APBA2: variants seen among roughly 807,000 people sequenced by gnomAD.
The protein encoded by APBA2 is amyloid beta precursor protein binding family A member 2.
APBA2 carries 30 observed loss-of-function variants against 75.0 expected under a neutral mutation model. The ratio of observed to expected loss-of-function variants is 0.40; its 90% CI spans 0.30 to 0.54. The LOEUF is 0.54. Among genes scored for constraint, APBA2 ranks in the 20% least tolerant of loss-of-function variants. APBA2 has a pLI of 0.49. For synonymous variants in APBA2, 444 were observed against 409.6 expected, an observed-to-expected ratio of 1.08 and a Z score of -1.01; for missense variants, 801 against 1,016.1, an observed-to-expected ratio of 0.79 and a Z score of 2.88.
chr15:28,923,838 G>T (rs965846019), intron 2 of APBA2, among the ~76,000 whole-genome samples: 3 of 152,182 alleles, frequency 2.0e-5, no homozygotes, highest in African/African-American at 7.2e-5. Flanking sequence ...GAGGTGGGCC[G>T]TGAGGCTGGG....
chr15:28,911,880 T>G (rs2152651370), intron 1 of APBA2, among the ~76,000 whole-genome samples: 1 of 152,356 alleles, frequency 6.6e-6, no homozygotes, highest in South Asian at 2.1e-4. Flanking sequence ...ATAATGAGGC[T>G]GCATATTTGC....
chr15:28,899,764 C>T (rs1002086997), intron 1 of APBA2, among the ~76,000 whole-genome samples: 1 of 152,140 alleles, frequency 6.6e-6, no homozygotes, highest in African/African-American at 2.4e-5. Context: ...GCAGAATGAG[C>T]ATGTAGGGAC....
At chr15:28,948,896 G>A (rs778028738) in intron 2 of APBA2, among the ~76,000 whole-genome samples, 55 of 151,294 alleles carry the variant, frequency 3.6e-4, no homozygotes, top group Admixed American at 7.9e-4. Context: ...AGGCTGGGGG[G>A]TTGGTGAGGA....
intron 13 of APBA2, among the ~76,000 whole-genome samples, chr15:29,109,864 C>G (rs1242962853): frequency 6.6e-6 from 1 of 152,244 alleles, no homozygotes; most frequent in Non-Finnish European, 1.5e-5. Context: ...CGCTGGTCCT[C>G]GTCTCTGCCA....
intron 2 of APBA2, among the ~76,000 whole-genome samples, chr15:28,924,626 A>G (rs1197727458): frequency 6.6e-6 from 1 of 152,230 alleles, no homozygotes; most frequent in Non-Finnish European, 1.5e-5. Context: ...ACAATATTGC[A>G]TTCTGCAGAT....
chr15:28,997,303 G>A (rs2038580880), intron 3 of APBA2, among the ~76,000 whole-genome samples: 1 of 152,144 alleles, frequency 6.6e-6, no homozygotes, highest in Non-Finnish European at 1.5e-5. Flanking sequence ...ATTATTAATG[G>A]GTTTGGACAT....
intron 2 of APBA2, among the ~76,000 whole-genome samples, chr15:28,929,482 C>G (rs2034449710): frequency 6.6e-6 from 1 of 152,206 alleles, no homozygotes; most frequent in African/African-American, 2.4e-5. Context: ...GGGTGTAGCA[C>G]TTCCCGCCTA....
rs112530450 is a variant in APBA2, at chr15:29,103,108, G to C, written c.1524+1324G>C. On this transcript the variant is annotated intron_variant, in intron 10 of 14. Coordinates refer to ENST00000683413, the MANE Select transcript of APBA2 (RefSeq NM_001353788.2). ...GACTGAGGGCCGAGGATGTGTGAGA[G>C]ACCTGGCTTGGGGATGGGCCACAGG... Among the ~76,000 whole-genome samples, 195 of 152,362 alleles carry C rather than the reference G, an allele frequency of 1.3e-3. 1 individual carries two copies. Among genetic ancestry groups the C allele is most frequent in the Middle Eastern group, 3.4e-3 (1 of 294 alleles).
At chr15:29,028,132 T>C (rs1180331988) in intron 3 of APBA2, among the ~76,000 whole-genome samples, 1 of 152,096 alleles carries the variant, frequency 6.6e-6, no homozygotes, top group Admixed American at 6.5e-5. Flanking sequence ...ATAAGCTGTT[T>C]TTCCTAATGT....
chr15:29,094,940 G>T (rs984552358), intron 8 of APBA2, among the ~76,000 whole-genome samples: 2 of 151,102 alleles, frequency 1.3e-5, no homozygotes, highest in Non-Finnish European at 2.9e-5. Context: ...GATGGCACAT[G>T]CCTGAAGTCC....
chr15:29,014,721 T>C (rs2039570889), intron 3 of APBA2, among the ~76,000 whole-genome samples: 3 of 151,588 alleles, frequency 2.0e-5, no homozygotes, highest in Non-Finnish European at 1.5e-5. Context: ...TTTTTTTTTT[T>C]TTAAAGAGAC....
rs1304544213 is a variant in APBA2, at chr15:29,046,234, A to G, written c.-40-7611A>G. On this transcript the variant is annotated intron_variant, in intron 3 of 14. Transcript: ENST00000683413. This position sits in a 1 kb window ranked among gnomAD's most constrained non-coding sequence, Gnocchi z 5.0. Reference sequence around the variant, plus strand: ...ATGCTTTTAGTGAACTCAATGAGATACCAGAAATCCAGTAGGAGAACACTT... The same window carrying G: ...ATGCTTTTAGTGAACTCAATGAGATGCCAGAAATCCAGTAGGAGAACACTT... Among the ~76,000 whole-genome samples the G allele has an allele frequency of 2.0e-5, 3 of 152,264 alleles. No individual in the cohort carries two copies. Among genetic ancestry groups the G allele is most frequent in the Non-Finnish European group, 4.4e-5 (3 of 68,052 alleles).
chr15:28,987,706 G>A (rs113893138), intron 2 of APBA2, among the ~76,000 whole-genome samples: 118 of 140,894 alleles, frequency 8.4e-4, no homozygotes, highest in African/African-American at 3.0e-3. Context: ...TTTGAAGGGA[G>A]TGTCAAAGAA....
chr15:28,919,987 C>T (rs2033888544), intron 1 of APBA2, among the ~76,000 whole-genome samples: 1 of 152,234 alleles, frequency 6.6e-6, no homozygotes, highest in African/African-American at 2.4e-5. Flanking sequence ...GCAGAGGCCC[C>T]TCCTCGGCCT....
At chr15:28,891,173 T>C (rs145545526) in intron 1 of APBA2, among the ~76,000 whole-genome samples, 65,653 of 152,166 alleles carry the variant, frequency 0.43, 14,491 homozygotes, top group Non-Finnish European at 0.47. Context: ...GTGTTGAGTT[T>C]CATCCTTCTT....
At chr15:28,998,502 A>T (rs1269341819) in intron 3 of APBA2, among the ~76,000 whole-genome samples, 1 of 152,178 alleles carries the variant, frequency 6.6e-6, no homozygotes, top group Non-Finnish European at 1.5e-5. Context: ...TTAAAACCTA[A>T]GATCCAAAGA....
intron 10 of APBA2, chr15:29,102,000 T>C: frequency 1.6e-6 from 1 of 612,172 alleles, no homozygotes; most frequent in Non-Finnish European, 2.9e-6. Flanking sequence ...TCAGGAGCTG[T>C]TTATAAATTG....
At chr15:29,003,719 G>T (rs1213496150) in intron 3 of APBA2, among the ~76,000 whole-genome samples, 1 of 152,256 alleles carries the variant, frequency 6.6e-6, no homozygotes, top group Non-Finnish European at 1.5e-5. Context: ...AGGCCATGGG[G>T]AAGGGCAGGC....
At chr15:28,900,169 C>T (rs1353444754) in intron 1 of APBA2, among the ~76,000 whole-genome samples, 1 of 152,206 alleles carries the variant, frequency 6.6e-6, no homozygotes, top group Non-Finnish European at 1.5e-5. Context: ...CGTGGGTCCT[C>T]CCAACCCTTC....
Sources: gnomAD v4.1 joint callset for allele counts (sites outside exome capture counted in the v4.1 genomes callset) on GRCh38, gnomAD v4.1.1 for gene constraint, Gnocchi (gnomAD v3.1) non-coding constraint, MANE v1.5 for transcripts, NCBI Gene and HGNC (gene_info 2026-07-23, HGNC 2026-07-21) for gene names.